PM20D1: variants seen among roughly 807,000 people sequenced by gnomAD.
PM20D1 encodes the protein N-fatty-acyl-amino acid synthase/hydrolase PM20D1.
A neutral mutation model predicts 53.8 loss-of-function variants in PM20D1; 53 were observed. The observed-to-expected ratio is 0.98, with a 90% CI of 0.79 to 1.24. The LOEUF (loss-of-function observed/expected upper bound fraction) is 1.24. Among genes scored for constraint, PM20D1 ranks in the 50% most tolerant of loss-of-function variants. PM20D1 has a pLI of 0.00. For missense variants in PM20D1, 564 were observed against 616.8 expected, an observed-to-expected ratio of 0.91 and a Z score of 0.91; for synonymous variants, 239 against 241.3, an observed-to-expected ratio of 0.99 and a Z score of 0.09.
At chr1:205,837,377 C>A (rs565503129) in intron 10 of PM20D1, among the ~76,000 whole-genome samples, 2 of 152,358 alleles carry the variant, frequency 1.3e-5, no homozygotes, top group Admixed American at 6.5e-5. Flanking sequence ...CACTGGCCTT[C>A]TCTCTACTCC....
intron 2 of PM20D1, among the ~76,000 whole-genome samples, chr1:205,846,046 G>C (rs1656949170): frequency 6.9e-6 from 1 of 144,492 alleles, no homozygotes; most frequent in Admixed American, 7.2e-5. Flanking sequence ...TTCCGCCATT[G>C]CACTCCAGCG....
chr1:205,841,686 G>T (rs1367365584), intron 9 of PM20D1, 125 bp downstream of exon 9: 5 of 979,282 alleles, frequency 5.1e-6, no homozygotes, highest in Non-Finnish European at 7.8e-6. Flanking sequence ...CTATGTCTTT[G>T]CGTGGCTAGG....
intron 10 of PM20D1, among the ~76,000 whole-genome samples, chr1:205,839,731 A>C (rs951397742): frequency 2.6e-5 from 4 of 151,924 alleles, no homozygotes; most frequent in African/African-American, 9.7e-5. Context: ...CAAAAAATAC[A>C]AAAAATACAA....
chr1:205,838,225 A>G (rs572692389), intron 10 of PM20D1, among the ~76,000 whole-genome samples: 1 of 152,182 alleles, frequency 6.6e-6, no homozygotes, highest in South Asian at 2.1e-4. Flanking sequence ...TACTCATCTG[A>G]TAGTCACTGG....
Position 205,847,924 on chromosome 1 carries a change from T to C in PM20D1, c.217A>G (p.Thr73Ala). The change falls in exon 2 of 13, where the codon ACT (threonine) becomes GCT (alanine). Residue 73 changes from threonine to alanine, a missense_variant. Transcript: ENST00000367136. The part of the protein sequence containing the change: ...TVTFSSEKSN[T>A]TALAEFGKYI... ...TTTCCGAACTCAGCCAGGGCTGTAG[T>C]ATTGGACTTCTCAGAGCTAAAAGTC... 6.2e-7 allele frequency: 1 copy of C among 1,602,012 alleles called. No individual in the cohort carries two copies. The highest frequency in any genetic ancestry group is 8.5e-7 in the Non-Finnish European group (1 of 1,173,264).
At chr1:205,831,132 T>C (rs1382369858) in intron 11 of PM20D1, among the ~76,000 whole-genome samples, 1 of 152,282 alleles carries the variant, frequency 6.6e-6, no homozygotes, top group East Asian at 1.9e-4. Flanking sequence ...CTGAAGGTGG[T>C]AGCAGGTCAC....
chr1:205,833,720 T>C (rs1352389415), intron 10 of PM20D1, among the ~76,000 whole-genome samples: 2 of 152,176 alleles, frequency 1.3e-5, no homozygotes, highest in African/African-American at 4.8e-5. Context: ...GGACCCTTGC[T>C]CTCCAAAGCT....
At chr1:205,847,574 G>C (rs533497394) in intron 2 of PM20D1, among the ~76,000 whole-genome samples, 6 of 148,024 alleles carry the variant, frequency 4.1e-5, no homozygotes, top group African/African-American at 1.5e-4. Flanking sequence ...CATAGTTCTG[G>C]GCAGTTGCAC....
chr1:205,843,020 C>T (rs1057192267), intron 6 of PM20D1, among the ~76,000 whole-genome samples: 1 of 152,184 alleles, frequency 6.6e-6, no homozygotes, highest in African/African-American at 2.4e-5. Context: ...CATAGCCCAT[C>T]CCATACTACA....
At chr1:205,832,798 C>G in intron 10 of PM20D1, 32 bp from the exon 11 acceptor site, 1 of 1,531,838 alleles carries the variant, frequency 6.5e-7, no homozygotes. Context: ...GGTTCGATTT[C>G]TTATTGATTT....
At chr1:205,838,004 C>T (rs1656720348) in intron 10 of PM20D1, among the ~76,000 whole-genome samples, 1 of 152,100 alleles carries the variant, frequency 6.6e-6, no homozygotes, top group Admixed American at 6.5e-5. Flanking sequence ...CCCACTCCCC[C>T]AACCCCCTCA....
intron 2 of PM20D1, among the ~76,000 whole-genome samples, chr1:205,846,325 G>C (rs192532248): frequency 6.6e-6 from 1 of 151,958 alleles, no homozygotes; most frequent in South Asian, 2.1e-4. Flanking sequence ...GGTGGAGGTT[G>C]CAGTGAGCCG....
intron 9 of PM20D1, among the ~76,000 whole-genome samples, chr1:205,840,801 A>G (rs1054472321): frequency 6.6e-6 from 1 of 152,182 alleles, no homozygotes; most frequent in Non-Finnish European, 1.5e-5. Context: ...GGGGATGAGA[A>G]GAACACATAC....
intron 1 of PM20D1, among the ~76,000 whole-genome samples, chr1:205,848,791 T>C (rs1026757247): frequency 4.6e-5 from 7 of 152,192 alleles, no homozygotes; most frequent in Admixed American, 1.3e-4. Flanking sequence ...TTGCTAAGGA[T>C]CAACCCTACA....
Position 205,845,524 on chromosome 1 carries a change from T to C in PM20D1, c.290A>G (p.Gln97Arg). 6.2e-7 allele frequency: 1 copy of C among 1,614,232 alleles called. No individual in the cohort carries two copies. Among genetic ancestry groups the C allele is most frequent in the Non-Finnish European group, 8.5e-7 (1 of 1,180,042 alleles). The change falls in exon 3 of 13, where the codon CAG becomes CGG. Residue 97 changes from glutamine to arginine, a missense_variant. Coordinates refer to ENST00000367136, the MANE Select transcript of PM20D1 (RefSeq NM_152491.5). ...GCTATACTCTTCCACGACTTCATGC[T>C]GGATAAAGCTGGTGCTGACCACTGT... ...FPTVVSTSFI[Q>R]HEVVEEYSHL...
In PM20D1 at chr1:205,832,592, C is replaced by CATT. The variant is rs750063074; in HGVS notation, c.1285+3_1285+5dup. The stretch of plus-strand genomic sequence containing the variant: ...TCCCTCCAGCCACAGCTGATGAAGT[C>CATT]ATTACCTGGGGCAGTAATATTGACT... On this transcript the variant is annotated splice_donor_region_variant and intron_variant, in intron 11 of 12. Coordinates refer to ENST00000367136, the MANE Select transcript of PM20D1 (RefSeq NM_152491.5). The CATT allele has an allele frequency of 1.1e-5, 18 of 1,613,852 alleles. No individual in the cohort carries two copies. Among genetic ancestry groups the CATT allele is most frequent in the Non-Finnish European group, 1.5e-5 (18 of 1,179,940 alleles).
intron 10 of PM20D1, 54 bp downstream of exon 10, chr1:205,840,198 G>GGCCACATCTCCCT: frequency 6.5e-7 from 1 of 1,532,680 alleles, no homozygotes; most frequent in East Asian, 2.3e-5. Context: ...GGGCCCTGAG[G>GGCCACATCTCCCT]GCCACATCTC....
At chr1:205,840,365 A>T (rs375837443) in intron 9 of PM20D1, 42 bp from the exon 10 acceptor site, 5 of 1,557,772 alleles carry the variant, frequency 3.2e-6, no homozygotes, top group Non-Finnish European at 4.4e-6. Flanking sequence ...GTCAACCTCA[A>T]ATCTTCTACA....
chr1:205,848,016 A>G (rs752471919), intron 1 of PM20D1, 45 bp from the exon 2 acceptor site: 9 of 1,577,522 alleles, frequency 5.7e-6, no homozygotes, highest in Non-Finnish European at 7.8e-6. Flanking sequence ...TGAATTAGTC[A>G]TTGTTTTTTT....
Sources: allele counts gnomAD v4.1 joint callset (sites outside exome capture counted in the v4.1 genomes callset), GRCh38; gene constraint gnomAD v4.1.1; transcripts MANE v1.5; gene names NCBI Gene and HGNC (gene_info 2026-07-23, HGNC 2026-07-21).